The following KCNIP4 variants were observed in gnomAD, a reference collection of about 807,000 sequenced individuals.
The protein encoded by KCNIP4 is Kv channel-interacting protein 4.
In KCNIP4, 12 loss-of-function variants were observed where a neutral mutation model predicts 34.0. The ratio of observed to expected loss-of-function variants is 0.35; its 90% CI spans 0.23 to 0.57. KCNIP4 has a LOEUF of 0.57. Among genes scored for constraint, KCNIP4 ranks in the 20% least tolerant of loss-of-function variants. The pLI is 0.83. For missense variants in KCNIP4, 238 were observed against 311.7 expected, an observed-to-expected ratio of 0.76 and a Z score of 1.78; for synonymous variants, 124 against 102.2, an observed-to-expected ratio of 1.21 and a Z score of -1.29.
chr4:21,692,827 A>ATTTTTTTT (rs35231092), intron 1 of KCNIP4, among the ~76,000 whole-genome samples: 1 of 87,256 alleles, frequency 1.1e-5, no homozygotes, highest in Non-Finnish European at 2.2e-5. Context: ...AAATCCTGTC[A>ATTTTTTTT]TTTTTTTTTT....
chr4:21,838,492 GA>G (rs1422241839), intron 1 of KCNIP4, among the ~76,000 whole-genome samples: 1 of 152,184 alleles, frequency 6.6e-6, no homozygotes, highest in Non-Finnish European at 1.5e-5. Flanking sequence ...ATAGAAGAAT[GA>G]AATAACTTCC....
chr4:21,104,572 T>C (rs556174643), intron 1 of KCNIP4, among the ~76,000 whole-genome samples: 4,440 of 152,246 alleles, frequency 0.029, 222 homozygotes, highest in African/African-American at 0.1. Context: ...GTAGTTTCTT[T>C]TGCTGTGCAG....
chr4:20,999,783 GA>G (rs999695601), intron 1 of KCNIP4, among the ~76,000 whole-genome samples: 7 of 149,894 alleles, frequency 4.7e-5, no homozygotes, highest in Non-Finnish European at 7.4e-5. Flanking sequence ...CAAGTTTTCA[GA>G]AAAAAAAATA....
chr4:21,395,535 CT>C (rs1722910105), intron 1 of KCNIP4, among the ~76,000 whole-genome samples: 1 of 151,944 alleles, frequency 6.6e-6, no homozygotes, highest in East Asian at 1.9e-4. Context: ...GGGAATAAGC[CT>C]TTTTTCCCCC....
At chr4:21,765,380 T>C (rs1351224609) in intron 1 of KCNIP4, among the ~76,000 whole-genome samples, 2 of 151,962 alleles carry the variant, frequency 1.3e-5, no homozygotes, top group East Asian at 3.9e-4. Context: ...GAGAAGGCAA[T>C]GGTAAATGAC....
chr4:21,760,095 T>C (rs1484894378), intron 1 of KCNIP4, among the ~76,000 whole-genome samples: 4 of 152,076 alleles, frequency 2.6e-5, no homozygotes, highest in African/African-American at 4.8e-5. Flanking sequence ...TGAACAATGA[T>C]GTTCTCACCC....
intron 1 of KCNIP4, among the ~76,000 whole-genome samples, chr4:21,725,328 T>TA (rs759211613): frequency 3.3e-5 from 5 of 152,140 alleles, no homozygotes; most frequent in Non-Finnish European, 7.4e-5. Flanking sequence ...GCTGGTGTGT[T>TA]AGAGTCAGGC....
At chr4:21,254,543 CAAAT>C (rs951135593) in intron 1 of KCNIP4, among the ~76,000 whole-genome samples, 1 of 152,096 alleles carries the variant, frequency 6.6e-6, no homozygotes, top group African/African-American at 2.4e-5. Context: ...TTTTAATTGA[CAAAT>C]AAAAATGCAC....
intron 1 of KCNIP4, among the ~76,000 whole-genome samples, chr4:20,999,129 G>A (rs1737830429): frequency 6.6e-6 from 1 of 152,164 alleles, no homozygotes; most frequent in East Asian, 1.9e-4. Flanking sequence ...TCTGAACAGA[G>A]CTCTTAAGTA....
intron 1 of KCNIP4, among the ~76,000 whole-genome samples, chr4:21,227,701 AAACC>A (rs1758501937): frequency 6.7e-6 from 1 of 149,162 alleles, no homozygotes; most frequent in Non-Finnish European, 1.5e-5. Flanking sequence ...AAAAAGCAAA[AAACC>A]AACTAGTTAT....
chr4:21,257,400 T>G (rs1433454220), intron 1 of KCNIP4, among the ~76,000 whole-genome samples: 1 of 152,112 alleles, frequency 6.6e-6, no homozygotes, highest in Non-Finnish European at 1.5e-5. Context: ...CAACATAACC[T>G]GCAACTTGTT....
At chr4:20,885,779 AAAC>A (rs1423586005) in intron 1 of KCNIP4, among the ~76,000 whole-genome samples, 1 of 152,208 alleles carries the variant, frequency 6.6e-6, no homozygotes, top group Non-Finnish European at 1.5e-5. Context: ...AATGCAGTCC[AAAC>A]AAATATTAAT....
At position 20,880,977 on chromosome 4, in the gene KCNIP4, C is replaced by T. The variant is rs1462499828; in HGVS notation, c.163+1631G>A. Among the ~76,000 whole-genome samples, 9 of 152,166 alleles carry T rather than the reference C, an allele frequency of 5.9e-5. No homozygotes were observed. In the East Asian group the frequency reaches 1.7e-3, roughly 29 times the overall value. ...TTTTTGTATGTGCATTGGCTTAGTG[C>T]TAACGAAAGTTATTTAGTTCTGCCT... On this transcript the variant is annotated intron_variant, in intron 2 of 8. Transcript: ENST00000382152.
At chr4:21,932,249 G>A (rs893552413) in intron 1 of KCNIP4, among the ~76,000 whole-genome samples, 2 of 152,056 alleles carry the variant, frequency 1.3e-5, no homozygotes, top group South Asian at 2.1e-4. Flanking sequence ...TGTGTCGTGA[G>A]TGAAACAGTG....
intron 1 of KCNIP4, among the ~76,000 whole-genome samples, chr4:21,167,658 C>A (rs1239407586): frequency 6.6e-6 from 1 of 152,134 alleles, no homozygotes; most frequent in African/African-American, 2.4e-5. Flanking sequence ...TCACCACTGG[C>A]CATCAGTAGC....
chr4:20,734,675 C>A lies in KCNIP4; in HGVS notation c.490G>T (p.Ala164Ser). Residue 164 changes from alanine to serine, a missense_variant, in exon 6 of 9, where the codon GCA becomes TCA. Ala to Ser is a moderately conservative substitution (Grantham distance 99, BLOSUM62 1). Coordinates refer to ENST00000382152, the MANE Select transcript of KCNIP4 (RefSeq NM_025221.6). ...RGTVQEKLNW[A>S]FNLYDINKDG... is the part of the protein sequence containing the mutation. ...TTATTTATGTCATACAGATTAAATG[C>A]CCAATTGAGTTTTTCTTGTACTGTC... 6.2e-7 allele frequency: 1 copy of A among 1,600,812 alleles called. No individual in the cohort carries two copies. The highest frequency in any genetic ancestry group is 1.1e-5 in the South Asian group (1 of 88,452).
At chr4:20,773,047 G>GAA (rs34903951) in intron 3 of KCNIP4, among the ~76,000 whole-genome samples, 61,442 of 147,002 alleles carry the variant, frequency 0.42, 13,303 homozygotes, top group East Asian at 0.68. Flanking sequence ...TGAAGTTAAA[G>GAA]AAAAAAAAAA....
At chr4:21,541,632 T>C (rs1737700158) in intron 1 of KCNIP4, among the ~76,000 whole-genome samples, 1 of 152,088 alleles carries the variant, frequency 6.6e-6, no homozygotes. Context: ...TCTTATAAGC[T>C]TTCTATTTAT....
rs576469683 is a variant in KCNIP4 at position 21,805,627 on chromosome 4, T to G, written c.61+142944A>C. On this transcript the variant is annotated intron_variant, in intron 1 of 8. Coordinates refer to ENST00000382152, the MANE Select transcript of KCNIP4 (RefSeq NM_025221.6). ...CACCTAACAGGAACCCGAGGCTGTT[T>G]ACCAAATATCCTGCAGTCTCACTCT... 3.9e-5 allele frequency among the ~76,000 whole-genome samples: 6 copies of G among 152,276 alleles called. No individual in the cohort carries two copies. In the South Asian group the frequency reaches 1.2e-3, roughly 32 times the overall value.
Sources: allele counts gnomAD v4.1 joint callset (sites outside exome capture counted in the v4.1 genomes callset), GRCh38; gene constraint gnomAD v4.1.1; transcripts MANE v1.5; gene names NCBI Gene and HGNC (gene_info 2026-07-23, HGNC 2026-07-21).